Variants in PKIB observed in about 807,000 individuals in gnomAD.
PKIB encodes the protein cAMP-dependent protein kinase inhibitor beta.
In PKIB, 2 loss-of-function variants were observed where a neutral mutation model predicts 4.5. That is an observed-to-expected ratio of 0.44 (90% CI 0.18 to 1.39). The LOEUF is 1.39. Ranked by LOEUF, PKIB falls within the 40% of genes most tolerant of loss-of-function variation. PKIB has a pLI of 0.27. For missense variants in PKIB, 94 were observed against 92.6 expected (o/e 1.02, Z -0.06); for synonymous variants, 38 against 36.0 (o/e 1.06, Z -0.20).
intron 2 of PKIB, among the ~76,000 whole-genome samples, chr6:122,520,756 C>T (rs1021366062): frequency 1.4e-5 from 2 of 141,948 alleles, no homozygotes; most frequent in South Asian, 2.2e-4. Context: ...AGCTCAAACA[C>T]GTCTTTGTTA....
intron 2 of PKIB, among the ~76,000 whole-genome samples, chr6:122,541,289 A>T (rs988363234): frequency 5.3e-5 from 8 of 151,916 alleles, no homozygotes; most frequent in African/African-American, 1.9e-4. Flanking sequence ...GATGGTCTTT[A>T]CATTTTGGCA....
intron 2 of PKIB, among the ~76,000 whole-genome samples, chr6:122,505,376 C>T (rs1273231756): frequency 6.6e-6 from 1 of 152,190 alleles, no homozygotes. Context: ...ACAGGCACCC[C>T]ACAAGCCCTT....
intron 1 of PKIB, among the ~76,000 whole-genome samples, chr6:122,624,915 C>G (rs1350613554): frequency 6.6e-6 from 1 of 152,054 alleles, no homozygotes; most frequent in Non-Finnish European, 1.5e-5. Flanking sequence ...TGTCAAAATC[C>G]CTTTATCTCC....
At chr6:122,526,036 A>G (rs1233395253) in intron 2 of PKIB, among the ~76,000 whole-genome samples, 2 of 152,164 alleles carry the variant, frequency 1.3e-5, no homozygotes, top group Non-Finnish European at 1.5e-5. Flanking sequence ...TAGCATCTGC[A>G]CCAGGAATAG....
At chr6:122,476,942 T>C (rs1373902761) in intron 1 of PKIB, among the ~76,000 whole-genome samples, 3 of 152,188 alleles carry the variant, frequency 2.0e-5, no homozygotes, top group African/African-American at 7.2e-5. Flanking sequence ...TTATTAAACA[T>C]GTTATTAAGG....
intron 2 of PKIB, among the ~76,000 whole-genome samples, chr6:122,566,152 G>A (rs1773184452): frequency 6.6e-6 from 1 of 151,820 alleles, no homozygotes; most frequent in Non-Finnish European, 1.5e-5. Context: ...TTAGTAGACA[G>A]GCTTGGGTCA....
intron 2 of PKIB, among the ~76,000 whole-genome samples, chr6:122,540,620 A>G (rs1777565787): frequency 2.0e-5 from 3 of 151,836 alleles, no homozygotes; most frequent in Admixed American, 2.0e-4. Flanking sequence ...CAATTTTGGA[A>G]TAGGTGTGGT....
chr6:122,532,164 A>G (rs1385637997), intron 2 of PKIB, among the ~76,000 whole-genome samples: 1 of 152,204 alleles, frequency 6.6e-6, no homozygotes, highest in African/African-American at 2.4e-5. Context: ...ATTGCAGATA[A>G]CAATTAACTA....
intron 1 of PKIB, among the ~76,000 whole-genome samples, chr6:122,615,537 G>C (rs192798947): frequency 1.3e-5 from 2 of 151,574 alleles, no homozygotes; most frequent in African/African-American, 2.4e-5. Flanking sequence ...CGACTTCATG[G>C]GTGTACTGAG....
intron 1 of PKIB, among the ~76,000 whole-genome samples, chr6:122,474,444 T>C (rs889378344): frequency 3.3e-5 from 5 of 152,336 alleles, no homozygotes; most frequent in African/African-American, 1.2e-4. Context: ...CCATGAAATA[T>C]AGTTTAAGAA....
intron 2 of PKIB, among the ~76,000 whole-genome samples, chr6:122,578,843 G>A (rs1228522183): frequency 6.6e-6 from 1 of 152,160 alleles, no homozygotes; most frequent in Non-Finnish European, 1.5e-5. Context: ...TTACCCTCAT[G>A]CTGTTGTTCT....
intron 2 of PKIB, among the ~76,000 whole-genome samples, chr6:122,490,408 G>A (rs549962304): frequency 6.6e-6 from 1 of 152,270 alleles, no homozygotes; most frequent in African/African-American, 2.4e-5. Context: ...TTATGGTTTG[G>A]ATGTTTACCT....
chr6:122,472,210 T>C (rs1180680675), intron 1 of PKIB, among the ~76,000 whole-genome samples: 1 of 152,236 alleles, frequency 6.6e-6, no homozygotes, highest in Non-Finnish European at 1.5e-5. Context: ...ACTCCACTTA[T>C]TTCCCATTTT....
chr6:122,506,814 C>T (rs550380470), intron 2 of PKIB, among the ~76,000 whole-genome samples: 41 of 150,360 alleles, frequency 2.7e-4, no homozygotes, highest in African/African-American at 9.8e-4. Flanking sequence ...ATTCTCCTGC[C>T]TCAGCCTCCC....
intron 1 of PKIB, among the ~76,000 whole-genome samples, chr6:122,475,441 C>T (rs574310110): frequency 6.6e-6 from 1 of 152,184 alleles, no homozygotes; most frequent in East Asian, 1.9e-4. Context: ...ATAGCTTGAT[C>T]ACAGGAGTTA....
chr6:122,529,818 C>T (rs1040680170), intron 2 of PKIB, among the ~76,000 whole-genome samples: 1 of 152,054 alleles, frequency 6.6e-6, no homozygotes, highest in Non-Finnish European at 1.5e-5. Flanking sequence ...TATGGAAACT[C>T]CTTTATATGT....
chr6:122,606,455 C>T (rs1026144983), upstream of PKIB, among the ~76,000 whole-genome samples: 16 of 150,996 alleles, frequency 1.1e-4, no homozygotes, highest in South Asian at 6.3e-4. Context: ...GCCTGTAATC[C>T]GTGCTACTTG....
chr6:122,611,864 GC>G (rs1356143433), intron 1 of PKIB, among the ~76,000 whole-genome samples: 1 of 152,138 alleles, frequency 6.6e-6, no homozygotes, highest in East Asian at 1.9e-4. Flanking sequence ...GCTGGTCAAT[GC>G]CCCCCTAGTG....
At chr6:122,713,462 A>G (rs1431547675) in intron 3 of PKIB, among the ~76,000 whole-genome samples, 1 of 152,182 alleles carries the variant, frequency 6.6e-6, no homozygotes, top group Non-Finnish European at 1.5e-5. Context: ...TCTGTGGGCT[A>G]TATATTATAA....
Sources: gnomAD v4.1 joint callset for allele counts (sites outside exome capture counted in the v4.1 genomes callset) on GRCh38, gnomAD v4.1.1 for gene constraint, MANE v1.5 for transcripts, NCBI Gene and HGNC (gene_info 2026-07-23, HGNC 2026-07-21) for gene names.